Variants in CHODL observed in about 807,000 individuals in gnomAD.
CHODL encodes chondrolectin.
Under a neutral mutation model 34.5 loss-of-function variants are expected in CHODL, and 29 were observed. That is an observed-to-expected ratio of 0.84 (90% CI 0.63 to 1.15). The LOEUF is 1.15. CHODL is among the 50% of genes most tolerant of loss of function. CHODL has a pLI of 0.00. For synonymous variants in CHODL, 125 were observed against 116.1 expected (o/e 1.08, Z -0.49); for missense variants, 332 against 332.5 (o/e 1.00, Z 0.01).
intron 2 of CHODL, among the ~76,000 whole-genome samples, chr21:18,167,003 T>A (rs913937592): frequency 2.0e-5 from 3 of 152,158 alleles, no homozygotes; most frequent in Admixed American, 6.5e-5. Flanking sequence ...GGAAGTAGAT[T>A]TCTTAATTTT....
intron 2 of CHODL, among the ~76,000 whole-genome samples, chr21:18,159,224 C>CA (rs1276077980): frequency 1.3e-5 from 2 of 152,128 alleles, no homozygotes; most frequent in Admixed American, 6.5e-5. Context: ...TTATCCAGCA[C>CA]AAAATGTCAA....
Position 18,257,034 on chromosome 21 carries a change from A to G in CHODL, c.454A>G (p.Thr152Ala). The G allele has an allele frequency of 6.2e-7, 1 of 1,614,038 alleles. No homozygotes were observed. The highest frequency in any genetic ancestry group is 8.5e-7 in the Non-Finnish European group (1 of 1,179,936). Residue 152 changes from threonine to alanine, a missense_variant, in exon 3 of 6, where the codon ACT (threonine) becomes GCT (alanine). By Grantham distance (58) the Thr-to-Ala change is moderately conservative. Transcript: ENST00000299295. ...EKCVVMYHQP[T>A]ANPGLGGPYL... ...GTGTGTTGTGATGTATCACCAACCA[A>G]CTGCCAATCCTGGCCTTGGGGGTCC...
intron 2 of CHODL, among the ~76,000 whole-genome samples, chr21:18,029,137 T>G (rs2064218398): frequency 6.6e-6 from 1 of 152,126 alleles, no homozygotes; most frequent in Admixed American, 6.6e-5. Flanking sequence ...TTCACTTGGG[T>G]GCGGATGAAC....
chr21:18,019,830 C>T (rs1002392101), intron 1 of CHODL, among the ~76,000 whole-genome samples: 4 of 152,096 alleles, frequency 2.6e-5, no homozygotes, highest in African/African-American at 9.7e-5. Context: ...AGGAATCAGC[C>T]CGTATGTGGA....
chr21:18,098,387 A>G (rs1281174268), intron 2 of CHODL, among the ~76,000 whole-genome samples: 1 of 152,126 alleles, frequency 6.6e-6, no homozygotes, highest in Non-Finnish European at 1.5e-5. Context: ...ATTCAATTAA[A>G]AATGGGCAAA....
At chr21:18,174,135 A>ATATATATATATCTTGG (rs1555879185) in intron 2 of CHODL, among the ~76,000 whole-genome samples, 4 of 51,764 alleles carry the variant, frequency 7.7e-5, no homozygotes, top group African/African-American at 2.2e-4. Flanking sequence ...ATATATATAT[A>ATATATATATATCTTGG]TATATATATA....
intron 1 of CHODL, among the ~76,000 whole-genome samples, chr21:17,948,388 A>G (rs2063429737): frequency 6.6e-6 from 1 of 152,042 alleles, no homozygotes; most frequent in Non-Finnish European, 1.5e-5. Flanking sequence ...CAAGAAATAA[A>G]AAAAACAAGA....
intron 2 of CHODL, among the ~76,000 whole-genome samples, chr21:18,174,152 T>TATATATATATATATATAAAA (rs1568923201): frequency 7.9e-6 from 1 of 125,840 alleles, no homozygotes; most frequent in African/African-American, 3.0e-5. Context: ...TATATATATA[T>TATATATATATATATATAAAA]ATATATATAA....
intron 2 of CHODL, among the ~76,000 whole-genome samples, chr21:18,179,945 A>AT (rs2073362242): frequency 6.6e-6 from 1 of 152,132 alleles, no homozygotes; most frequent in African/African-American, 2.4e-5. Flanking sequence ...TATAGGGTAG[A>AT]TATTAAGGGT....
At chr21:17,953,384 C>T (rs1204331179) in intron 1 of CHODL, among the ~76,000 whole-genome samples, 1 of 151,592 alleles carries the variant, frequency 6.6e-6, no homozygotes, top group Non-Finnish European at 1.5e-5. Flanking sequence ...AGAGTATTGC[C>T]CAAGTCCAGG....
rs534360220 is a variant in CHODL at position 17,922,613 on chromosome 21, A to G, written c.-145+5213A>G. 4.6e-5 allele frequency among the ~76,000 whole-genome samples: 7 copies of G among 152,338 alleles called. No homozygotes were observed. In the East Asian group the frequency reaches 1.2e-3, roughly 25 times the overall value. ...TTAATTGCCCATGTAGTGTGATAGT[A>G]TTACTGCTATTTATGTGGAAATTAA... On this transcript the variant is annotated intron_variant, in intron 1 of 6. Coordinates refer to the CHODL transcript ENST00000400127.
intron 1 of CHODL, among the ~76,000 whole-genome samples, chr21:17,983,893 C>T (rs2063733180): frequency 7.1e-6 from 1 of 140,258 alleles, no homozygotes; most frequent in African/African-American, 2.8e-5. Flanking sequence ...TGTTCCTTTC[C>T]TGTGTGCAAG....
chr21:18,131,811 T>G (rs2072658100), intron 2 of CHODL, among the ~76,000 whole-genome samples: 1 of 152,126 alleles, frequency 6.6e-6, no homozygotes, highest in African/African-American at 2.4e-5. Context: ...AAATTCTCCT[T>G]CCCTTTTTCC....
chr21:18,142,159 T>G (rs887554818), intron 2 of CHODL, among the ~76,000 whole-genome samples: 1 of 152,148 alleles, frequency 6.6e-6, no homozygotes, highest in Admixed American at 6.5e-5. Context: ...TGGATTGGTT[T>G]GTACAGAAAA....
intron 1 of CHODL, among the ~76,000 whole-genome samples, chr21:17,918,359 A>G (rs1038477558): frequency 5.3e-5 from 8 of 151,930 alleles, no homozygotes; most frequent in Admixed American, 2.0e-4. Context: ...TGGCCAATTT[A>G]CAAAAGAAAG....
chr21:18,014,814 T>G (rs1328607634), intron 1 of CHODL, among the ~76,000 whole-genome samples: 1 of 152,236 alleles, frequency 6.6e-6, no homozygotes, highest in East Asian at 1.9e-4. Flanking sequence ...CCTGTAGAAC[T>G]ATGTGCCAAT....
intron 2 of CHODL, among the ~76,000 whole-genome samples, chr21:18,208,248 T>C: frequency 6.6e-6 from 1 of 151,874 alleles, no homozygotes; most frequent in East Asian, 1.9e-4. Context: ...TTCTTCTGCT[T>C]GATCAATTCT....
intron 2 of CHODL, among the ~76,000 whole-genome samples, chr21:18,070,029 CCCCCCCACCCA>C (rs1489224290): frequency 3.9e-5 from 4 of 103,324 alleles, no homozygotes; most frequent in Non-Finnish European, 8.6e-5. Context: ...CTTCCCTCCC[CCCCCCCACCCA>C]TTTCCTTTGC....
intron 2 of CHODL, among the ~76,000 whole-genome samples, chr21:18,043,196 G>T (rs2064398012): frequency 6.6e-6 from 1 of 151,910 alleles, no homozygotes; most frequent in African/African-American, 2.4e-5. Flanking sequence ...AAAACTCATT[G>T]CAGGGCTAGC....
Sources: gnomAD v4.1 joint callset for allele counts (sites outside exome capture counted in the v4.1 genomes callset) on GRCh38, gnomAD v4.1.1 for gene constraint, MANE v1.5 for transcripts, NCBI Gene and HGNC (gene_info 2026-07-23, HGNC 2026-07-21) for gene names.